The following SNTG2 variants were observed in gnomAD, a reference collection of about 807,000 sequenced individuals.
The protein encoded by SNTG2 is syntrophin gamma 2, also known as gamma-2-syntrophin.
SNTG2 carries 74 observed loss-of-function variants against 70.9 expected under a neutral mutation model. The ratio of observed to expected loss-of-function variants is 1.04; its 90% CI spans 0.86 to 1.27. The LOEUF (loss-of-function observed/expected upper bound fraction) is 1.27. SNTG2 is among the 50% of genes most tolerant of loss of function. SNTG2 has a pLI of 0.00. For missense variants in SNTG2, 717 were observed against 690.7 expected (o/e 1.04, Z -0.43); for synonymous variants, 278 against 273.8 (o/e 1.02, Z -0.15).
At chr2:1,157,538 G>A (rs1324072754) in intron 6 of SNTG2, among the ~76,000 whole-genome samples, 1 of 152,186 alleles carries the variant, frequency 6.6e-6, no homozygotes, top group Non-Finnish European at 1.5e-5. Flanking sequence ...TCCATAAGTA[G>A]GTTCCTTATG....
intron 2 of SNTG2, among the ~76,000 whole-genome samples, chr2:1,096,431 A>G (rs1424346709): frequency 6.6e-6 from 1 of 152,106 alleles, no homozygotes; most frequent in East Asian, 1.9e-4. Context: ...AGAGCCACAG[A>G]ACTTGTTTAC....
At chr2:1,199,825 T>C (rs1018667794) in intron 8 of SNTG2, among the ~76,000 whole-genome samples, 2 of 151,982 alleles carry the variant, frequency 1.3e-5, no homozygotes, top group Non-Finnish European at 2.9e-5. Context: ...AAATGACCTC[T>C]ACAAGAAAAA....
At chr2:1,105,965 G>C (rs1666098402) in intron 4 of SNTG2, among the ~76,000 whole-genome samples, 1 of 152,254 alleles carries the variant, frequency 6.6e-6, no homozygotes, top group Admixed American at 6.5e-5. Context: ...CTTGGTAATA[G>C]TGGGCGCACA....
intron 9 of SNTG2, among the ~76,000 whole-genome samples, chr2:1,232,170 T>C (rs914134083): frequency 6.6e-6 from 1 of 152,022 alleles, no homozygotes; most frequent in Non-Finnish European, 1.5e-5. Context: ...CATGAACCAA[T>C]GGGAAGTGAC....
At chr2:1,210,989 T>C (rs1674002964) in intron 9 of SNTG2, among the ~76,000 whole-genome samples, 1 of 152,222 alleles carries the variant, frequency 6.6e-6, no homozygotes, top group Non-Finnish European at 1.5e-5. Context: ...TCTCAGAATG[T>C]ATCCCCATCA....
intron 9 of SNTG2, among the ~76,000 whole-genome samples, chr2:1,225,283 A>G (rs550973628): frequency 1.3e-5 from 2 of 152,334 alleles, no homozygotes; most frequent in African/African-American, 4.8e-5. Context: ...GGTGTGCAAG[A>G]ATATGTGCCA....
intron 1 of SNTG2, among the ~76,000 whole-genome samples, chr2:1,066,504 T>G (rs1663164603): frequency 6.6e-6 from 1 of 151,984 alleles, no homozygotes; most frequent in Admixed American, 6.6e-5. Flanking sequence ...AAAGCTGTAG[T>G]GGTCAGACCG....
chr2:1,060,423 C>T (rs958893713), intron 1 of SNTG2, among the ~76,000 whole-genome samples: 2 of 152,198 alleles, frequency 1.3e-5, no homozygotes, highest in East Asian at 1.9e-4. Context: ...AGTGTCCTAC[C>T]GTGGAGCACT....
At chr2:1,218,505 TTCC>T (rs1295443789) in intron 9 of SNTG2, among the ~76,000 whole-genome samples, 1 of 152,252 alleles carries the variant, frequency 6.6e-6, no homozygotes, top group East Asian at 1.9e-4. Flanking sequence ...TTGGCTGTTC[TTCC>T]ACATGGTACC....
chr2:1,019,871 C>T (rs532654066), intron 1 of SNTG2, among the ~76,000 whole-genome samples: 1 of 152,016 alleles, frequency 6.6e-6, no homozygotes, highest in African/African-American at 2.4e-5. Context: ...GGTGAAACCC[C>T]GTCTCTACAA....
intron 16 of SNTG2, among the ~76,000 whole-genome samples, chr2:1,327,749 T>C (rs1184729009): frequency 4.6e-5 from 7 of 152,216 alleles, no homozygotes; most frequent in African/African-American, 1.4e-4. Flanking sequence ...AAACAAACAA[T>C]ATTAAGCTAG....
chr2:1,340,288 G>A (rs1389735350), intron 16 of SNTG2, among the ~76,000 whole-genome samples: 1 of 152,232 alleles, frequency 6.6e-6, no homozygotes, highest in Non-Finnish European at 1.5e-5. Flanking sequence ...GTGGGAAGAG[G>A]AGTCTATGCA....
intron 6 of SNTG2, 140 bp downstream of exon 6, chr2:1,137,949 A>T: frequency 1.1e-6 from 1 of 888,900 alleles, no homozygotes; most frequent in Non-Finnish European, 1.7e-6. Flanking sequence ...TTAGTAAATC[A>T]TGTTACAAAA....
At chr2:1,313,768 T>C (rs2148258850) in intron 15 of SNTG2, among the ~76,000 whole-genome samples, 1 of 152,258 alleles carries the variant, frequency 6.6e-6, no homozygotes, top group Middle Eastern at 3.4e-3. Flanking sequence ...CCCCAACTTG[T>C]ACCTGGACCA....
chr2:1,191,732 T>C (rs1425096714), intron 8 of SNTG2, among the ~76,000 whole-genome samples: 1 of 152,222 alleles, frequency 6.6e-6, no homozygotes, highest in East Asian at 1.9e-4. Flanking sequence ...GAGGCAGAGG[T>C]TGCAGTGAGC....
At chr2:1,277,475 G>A (rs1029930211) in intron 14 of SNTG2, among the ~76,000 whole-genome samples, 57 of 152,190 alleles carry the variant, frequency 3.7e-4, no homozygotes, top group African/African-American at 1.3e-3. Flanking sequence ...ATTAAGGTGT[G>A]TATATTACTT....
chr2:1,286,249 C>T (rs1679761600), intron 14 of SNTG2, among the ~76,000 whole-genome samples: 1 of 152,152 alleles, frequency 6.6e-6, no homozygotes. Flanking sequence ...GTGCCACTTC[C>T]TCTTCCACCC....
chr2:1,080,379 C>T (rs1664206866), intron 1 of SNTG2, among the ~76,000 whole-genome samples: 2 of 152,148 alleles, frequency 1.3e-5, no homozygotes, highest in East Asian at 3.9e-4. Flanking sequence ...TTTTGGGTTC[C>T]AACTTTACAA....
chr2:1,092,340 G>A (rs1430030495), intron 2 of SNTG2, among the ~76,000 whole-genome samples: 1 of 152,138 alleles, frequency 6.6e-6, no homozygotes, highest in Admixed American at 6.5e-5. Flanking sequence ...GCCTGTGTGA[G>A]GAGTAAGACC....
Sources: gnomAD v4.1 joint callset for allele counts (sites outside exome capture counted in the v4.1 genomes callset) on GRCh38, gnomAD v4.1.1 for gene constraint, MANE v1.5 for transcripts, NCBI Gene and HGNC (gene_info 2026-07-23, HGNC 2026-07-21) for gene names.